The following HOMER2 variants were observed in gnomAD, a reference collection of about 807,000 sequenced individuals.
The protein encoded by HOMER2 is homer protein homolog 2.
HOMER2 carries 27 observed loss-of-function variants against 47.0 expected under a neutral mutation model. That is an observed-to-expected ratio of 0.57 (90% CI 0.42 to 0.79). HOMER2 has a LOEUF of 0.79. HOMER2 is among the 30% of genes least tolerant of loss of function. The pLI is 0.00. For synonymous variants in HOMER2, 161 were observed against 163.8 expected, an observed-to-expected ratio of 0.98 and a Z score of 0.13; for missense variants, 443 against 435.0, an observed-to-expected ratio of 1.02 and a Z score of -0.16.
chr15:82,934,417 C>T (rs537076573), intron 1 of HOMER2, among the ~76,000 whole-genome samples: 5 of 152,260 alleles, frequency 3.3e-5, no homozygotes, highest in Admixed American at 6.5e-5. Flanking sequence ...TAGTGACCCT[C>T]ACCCACAGCC....
chr15:82,881,065 G>C (rs1005545494), intron 2 of HOMER2, among the ~76,000 whole-genome samples: 1 of 152,190 alleles, frequency 6.6e-6, no homozygotes, highest in African/African-American at 2.4e-5. Flanking sequence ...AGGGAGAAGG[G>C]GCTGTGCTAA....
At chr15:82,957,545 A>G (rs2054597055), upstream of HOMER2, among the ~76,000 whole-genome samples, 1 of 152,186 alleles carries the variant, frequency 6.6e-6, no homozygotes, top group Non-Finnish European at 1.5e-5. Context: ...TTCCTGCCAG[A>G]TAACACTTTG....
At chr15:82,978,148 T>C (rs763632779) in intron 1 of HOMER2, among the ~76,000 whole-genome samples, 2 of 152,094 alleles carry the variant, frequency 1.3e-5, no homozygotes, top group Admixed American at 6.6e-5. Context: ...AGACCCCATA[T>C]TGAAATAAAC....
At chr15:82,944,677 C>T (rs1434624240) in intron 1 of HOMER2, among the ~76,000 whole-genome samples, 1 of 151,872 alleles carries the variant, frequency 6.6e-6, no homozygotes. Context: ...AAGAGAAGTT[C>T]TTTATCCAAA....
chr15:82,904,935 G>C (rs138539491), intron 1 of HOMER2, among the ~76,000 whole-genome samples: 301 of 152,336 alleles, frequency 2.0e-3, no homozygotes, highest in African/African-American at 7.0e-3. Flanking sequence ...GAACAAGTAT[G>C]AGAACCTGCA....
chr15:82,897,723 C>T (rs1410382969), intron 1 of HOMER2, among the ~76,000 whole-genome samples: 1 of 152,214 alleles, frequency 6.6e-6, no homozygotes, highest in African/African-American at 2.4e-5. Context: ...AGGAAAGACT[C>T]CAGCCAACTG....
At chr15:82,873,927 GCA>G (rs1366207794) in intron 3 of HOMER2, among the ~76,000 whole-genome samples, 1 of 152,210 alleles carries the variant, frequency 6.6e-6, no homozygotes, top group Non-Finnish European at 1.5e-5. Flanking sequence ...ACACACACAT[GCA>G]CACACACTGG....
At chr15:82,859,761 A>T (rs2051711587) in intron 4 of HOMER2, among the ~76,000 whole-genome samples, 1 of 152,194 alleles carries the variant, frequency 6.6e-6, no homozygotes, top group Non-Finnish European at 1.5e-5. Context: ...ATCTGGTGCT[A>T]GATAAGACCT....
At chr15:82,938,550 T>C (rs1271039212) in intron 1 of HOMER2, among the ~76,000 whole-genome samples, 2 of 152,060 alleles carry the variant, frequency 1.3e-5, no homozygotes, top group East Asian at 1.9e-4. Context: ...TTCTCTAAGA[T>C]ATTCAATCTC....
At chr15:82,863,577 C>G (rs1396404980) in intron 4 of HOMER2, among the ~76,000 whole-genome samples, 1 of 152,102 alleles carries the variant, frequency 6.6e-6, no homozygotes, top group Non-Finnish European at 1.5e-5. Context: ...TACATATAAC[C>G]CTGTCACTAG....
At chr15:82,868,312 T>C (rs957476226) in intron 3 of HOMER2, among the ~76,000 whole-genome samples, 1 of 151,138 alleles carries the variant, frequency 6.6e-6, no homozygotes, top group Non-Finnish European at 1.5e-5. Flanking sequence ...TCTCTTTTGC[T>C]GTACAGAAGC....
exon 2 of HOMER2, chr15:82,842,771 C>G (rs547182093): frequency 6.6e-6 from 1 of 152,250 alleles, no homozygotes; most frequent in Admixed American, 6.5e-5. Context: ...GGTGCTTATC[C>G]TGGCACCCAA....
At chr15:82,960,640 G>A (rs1277655314) in intron 1 of HOMER2, among the ~76,000 whole-genome samples, 1 of 152,168 alleles carries the variant, frequency 6.6e-6, no homozygotes, top group African/African-American at 2.4e-5. Flanking sequence ...AGAAACAAGT[G>A]GGTTTTCAAT....
At chr15:82,941,910 TGGAAGCTCAAAGAA>T (rs1403123956) in intron 1 of HOMER2, among the ~76,000 whole-genome samples, 2 of 152,174 alleles carry the variant, frequency 1.3e-5, no homozygotes, top group East Asian at 3.8e-4. Context: ...GATGAAGAAA[TGGAAGCTCAAAGAA>T]GGTCAGCACA....
chr15:82,880,955 C>T (rs2052503175), intron 2 of HOMER2, among the ~76,000 whole-genome samples: 1 of 152,154 alleles, frequency 6.6e-6, no homozygotes, highest in African/African-American at 2.4e-5. Flanking sequence ...GAGGGCACAG[C>T]TGAGTGCCCT....
downstream of HOMER2, chr15:82,835,360 G>A (rs1364959645): frequency 3.3e-5 from 5 of 152,600 alleles, 1 homozygote; most frequent in East Asian, 3.9e-4. Flanking sequence ...TCTTGACCTC[G>A]TGATCCTCCC....
chr15:82,894,468 G>A (rs1416772895), intron 1 of HOMER2, among the ~76,000 whole-genome samples: 7 of 151,864 alleles, frequency 4.6e-5, no homozygotes, highest in South Asian at 2.1e-4. Context: ...TCAGGAGATC[G>A]AGACCATCCT....
In HOMER2 at chr15:82,921,535, C is replaced by T. The variant is rs1293979539; in HGVS notation, c.6-28694G>A. Among the ~76,000 whole-genome samples, 3 of 152,216 alleles carry T rather than the reference C, an allele frequency of 2.0e-5. No individual in the cohort carries two copies. The East Asian group carries it at 5.8e-4, about 29-fold the overall frequency. On this transcript the variant is annotated intron_variant, in intron 1 of 8. Transcript: ENST00000450735. ...AGACTTTATTCTAGAATGCCAACAT[C>T]CACACTCCCAGTCTTGGCTCTGCCA...
intron 1 of HOMER2, among the ~76,000 whole-genome samples, chr15:82,924,128 A>G (rs1028879722): frequency 6.6e-6 from 1 of 152,164 alleles, no homozygotes; most frequent in Non-Finnish European, 1.5e-5. Flanking sequence ...GAGTATTGGT[A>G]GGTCTTCAGC....
Sources: gnomAD v4.1 joint callset for allele counts (sites outside exome capture counted in the v4.1 genomes callset) on GRCh38, gnomAD v4.1.1 for gene constraint, MANE v1.5 for transcripts, NCBI Gene and HGNC (gene_info 2026-07-23, HGNC 2026-07-21) for gene names.